The following RIMS4 variants were observed in gnomAD, a reference collection of about 807,000 sequenced individuals.
RIMS4 encodes the protein regulating synaptic membrane exocytosis 4, also known as regulating synaptic membrane exocytosis protein 4.
In RIMS4, 9 loss-of-function variants were observed where a neutral mutation model predicts 29.0. The ratio of observed to expected loss-of-function variants is 0.31; its 90% CI spans 0.19 to 0.54. RIMS4 has a LOEUF of 0.54. Ranked by LOEUF, RIMS4 falls within the 20% of genes least tolerant of loss-of-function variation. The pLI is 0.94. For synonymous variants in RIMS4, 130 were observed against 152.9 expected (o/e 0.85, Z 1.10); for missense variants, 193 against 365.7 (o/e 0.53, Z 3.85).
intron 1 of RIMS4, among the ~76,000 whole-genome samples, chr20:44,786,608 T>A (rs1045438701): frequency 4.6e-5 from 7 of 152,198 alleles, no homozygotes; most frequent in African/African-American, 1.7e-4. Flanking sequence ...GATGGCAGCA[T>A]AATTCTGTAG....
intron 1 of RIMS4, among the ~76,000 whole-genome samples, chr20:44,794,225 C>G (rs984979046): frequency 2.6e-5 from 4 of 152,172 alleles, no homozygotes; most frequent in African/African-American, 7.2e-5. Flanking sequence ...TTTCCCAAAT[C>G]AACAGATGTA....
At chr20:44,795,573 A>G (rs1186326478) in intron 1 of RIMS4, among the ~76,000 whole-genome samples, 1 of 152,142 alleles carries the variant, frequency 6.6e-6, no homozygotes, top group Non-Finnish European at 1.5e-5. Context: ...CAGAGCTTGA[A>G]GTGAGCCAAG....
In RIMS4 at chr20:44,757,769, C is replaced by T; in HGVS notation, c.352G>A (p.Asp118Asn). 1 of 1,613,342 alleles carries T rather than the reference C, an allele frequency of 6.2e-7. No individual in the cohort carries two copies. The highest frequency in any genetic ancestry group is 8.5e-7 in the Non-Finnish European group (1 of 1,179,398). The change falls in exon 4 of 6, where the codon GAT becomes AAT. Residue 118 changes from aspartate to asparagine, a missense_variant and splice_region_variant. Transcript: ENST00000372851. Reference protein sequence around the residue: ...RQTLATTPMGDVEIGLQERNG... With the variant: ...RQTLATTPMGNVEIGLQERNG... ...CGCTCCTGCAGACCGATCTCCACATCCCCTGGAAGAGGCACCAAGAGATGA... is the reference window on the plus strand; with the variant it reads ...CGCTCCTGCAGACCGATCTCCACATTCCCTGGAAGAGGCACCAAGAGATGA...
intron 1 of RIMS4, among the ~76,000 whole-genome samples, chr20:44,799,286 G>A (rs917694896): frequency 1.3e-5 from 2 of 151,592 alleles, no homozygotes; most frequent in African/African-American, 4.9e-5. Context: ...CTGGGCAACA[G>A]AGCAAGACTC....
In RIMS4 at chr20:44,756,566, G is replaced by A. The variant is rs1712557157; in HGVS notation, c.592-214C>T. 6.6e-6 allele frequency among the ~76,000 whole-genome samples: 1 copy of A among 152,182 alleles called. No homozygotes were observed. Among genetic ancestry groups the A allele is most frequent in the African/African-American group, 2.4e-5 (1 of 41,422 alleles). On this transcript the variant is annotated intron_variant, in intron 5 of 5. Coordinates refer to ENST00000372851, the MANE Select transcript of RIMS4 (RefSeq NM_182970.4). This position sits in a 1 kb window ranked among gnomAD's most constrained non-coding sequence, Gnocchi z 5.9. ...TGATGGTAATGGTGACGGTGACGAT[G>A]GTAATGGGTAGAACACTTGCTGTAG...
chr20:44,802,785 C>T (rs1245309311), intron 1 of RIMS4, among the ~76,000 whole-genome samples: 1 of 152,172 alleles, frequency 6.6e-6, no homozygotes, highest in Non-Finnish European at 1.5e-5. Flanking sequence ...TCTTTATCCT[C>T]TACAAGGCTG....
At chr20:44,804,582 C>G (rs960799252) in intron 1 of RIMS4, among the ~76,000 whole-genome samples, 2 of 152,232 alleles carry the variant, frequency 1.3e-5, no homozygotes, top group Non-Finnish European at 2.9e-5. Context: ...AAAAGTCCCT[C>G]AGACAGACAA....
chr20:44,797,158 A>C (rs916797433), intron 1 of RIMS4, among the ~76,000 whole-genome samples: 2 of 152,194 alleles, frequency 1.3e-5, no homozygotes, highest in Non-Finnish European at 2.9e-5. Flanking sequence ...GGGATAACTA[A>C]AGCGCGTGTT....
chr20:44,761,789 C>A (rs1445541618), intron 2 of RIMS4, among the ~76,000 whole-genome samples: 1 of 152,204 alleles, frequency 6.6e-6, no homozygotes, highest in Non-Finnish European at 1.5e-5. Flanking sequence ...GGTATCTGAA[C>A]CCAGAGAGTG....
intron 1 of RIMS4, among the ~76,000 whole-genome samples, chr20:44,798,890 A>G (rs1024743481): frequency 7.9e-5 from 12 of 152,378 alleles, no homozygotes; most frequent in Admixed American, 7.8e-4. Flanking sequence ...CACTTGCACA[A>G]AAATCCACTT....
At chr20:44,808,337 A>G (rs991393124) in intron 1 of RIMS4, among the ~76,000 whole-genome samples, 6 of 152,222 alleles carry the variant, frequency 3.9e-5, no homozygotes, top group African/African-American at 1.4e-4. Context: ...AAACCAGAGC[A>G]AGTTGCCTGC....
chr20:44,764,051 C>CATCCATCCATCCATTT, intron 2 of RIMS4, among the ~76,000 whole-genome samples: 1 of 149,598 alleles, frequency 6.7e-6, no homozygotes, highest in Non-Finnish European at 1.5e-5. Flanking sequence ...TCCATTTATC[C>CATCCATCCATCCATTT]ATCCATCCAT....
At chr20:44,774,540 A>G (rs2066151311) in intron 1 of RIMS4, among the ~76,000 whole-genome samples, 1 of 152,184 alleles carries the variant, frequency 6.6e-6, no homozygotes, top group South Asian at 2.1e-4. Flanking sequence ...ACTGGGCTCC[A>G]AGTTCTTCAG....
chr20:44,770,586 T>G (rs538696145), intron 2 of RIMS4, among the ~76,000 whole-genome samples: 1 of 152,244 alleles, frequency 6.6e-6, no homozygotes, highest in African/African-American at 2.4e-5. Context: ...AGTGGAGTTC[T>G]CAGGCCACAC....
intron 1 of RIMS4, among the ~76,000 whole-genome samples, chr20:44,792,193 G>A (rs1283047789): frequency 1.3e-5 from 2 of 152,182 alleles, no homozygotes; most frequent in Admixed American, 1.3e-4. Flanking sequence ...TCTGTTGACT[G>A]CATAAAGAAT....
intron 2 of RIMS4, among the ~76,000 whole-genome samples, chr20:44,760,453 T>G (rs191320078): frequency 7.0e-4 from 106 of 152,208 alleles, no homozygotes; most frequent in African/African-American, 2.4e-3. Flanking sequence ...GAAGGGCAGA[T>G]CCATAGAGGC....
intron 1 of RIMS4, among the ~76,000 whole-genome samples, chr20:44,801,139 G>A (rs2066275856): frequency 2.0e-5 from 3 of 152,174 alleles, no homozygotes; most frequent in Non-Finnish European, 4.4e-5. Flanking sequence ...GCTAGAAAGG[G>A]CCAGAGATGC....
chr20:44,778,985 A>G (rs1464891883), intron 1 of RIMS4, among the ~76,000 whole-genome samples: 1 of 152,154 alleles, frequency 6.6e-6, no homozygotes, highest in Non-Finnish European at 1.5e-5. Flanking sequence ...TCCTGAACAC[A>G]CCATCCCTTT....
At chr20:44,764,260 A>ATCCATCCATCCATCCATTCATC (rs1555859479) in intron 2 of RIMS4, among the ~76,000 whole-genome samples, 1 of 151,786 alleles carries the variant, frequency 6.6e-6, no homozygotes, top group African/African-American at 2.4e-5. Context: ...CCATCCTCCC[A>ATCCATCCATCCATCCATTCATC]CAAACTCACC....
Sources: allele counts gnomAD v4.1 joint callset (sites outside exome capture counted in the v4.1 genomes callset), GRCh38; gene constraint gnomAD v4.1.1; non-coding constraint Gnocchi (gnomAD v3.1); transcripts MANE v1.5; gene names NCBI Gene and HGNC (gene_info 2026-07-23, HGNC 2026-07-21).